The following HDHD5 variants were observed in gnomAD, a reference collection of about 807,000 sequenced individuals.
HDHD5 encodes the protein haloacid dehalogenase like hydrolase domain containing 5, also known as haloacid dehalogenase-like hydrolase domain-containing 5.
Under a neutral mutation model 35.5 loss-of-function variants are expected in HDHD5, and 34 were observed. The observed-to-expected ratio is 0.96, with a 90% CI of 0.73 to 1.28. HDHD5 has a LOEUF of 1.28. HDHD5 is among the 50% of genes most tolerant of loss of function. The pLI is 0.00. For synonymous variants in HDHD5, 248 were observed against 240.6 expected, an observed-to-expected ratio of 1.03 and a Z score of -0.29; for missense variants, 589 against 560.2, an observed-to-expected ratio of 1.05 and a Z score of -0.52.
chr22:17,138,614 G>C lies in HDHD5; in HGVS notation c.871C>G (p.Leu291Val), dbSNP rs1430191465. ...SILTYQYAED[L>V]IRRQAERRGW... ...CGCCTCTCCGCCTGTCGCCTGATCAGGTCCTCGGCATACTGGTAAGTGAGG... is the reference window on the plus strand; with the variant it reads ...CGCCTCTCCGCCTGTCGCCTGATCACGTCCTCGGCATACTGGTAAGTGAGG... The change falls in exon 7 of 8, where the codon CTG (leucine) becomes GTG (valine). Residue 291 changes from leucine (L) to valine (V), a missense_variant. Physicochemically the swap from Leu to Val is conservative, Grantham distance 32. Coordinates refer to ENST00000336737, the MANE Select transcript of HDHD5 (RefSeq NM_033070.3). 6.2e-7 allele frequency: 1 copy of C among 1,614,090 alleles called. No individual in the cohort carries two copies. The highest frequency in any genetic ancestry group is 8.5e-7 in the Non-Finnish European group (1 of 1,180,038).
chr22:17,164,222 GA>G (rs60212114), upstream of HDHD5, among the ~76,000 whole-genome samples: 201 of 111,936 alleles, frequency 1.8e-3, no homozygotes, highest in Middle Eastern at 4.9e-3. Context: ...CTCCATCTCA[GA>G]AAAAAAAAAA....
At chr22:17,161,564 CAAAA>C (rs879664806), upstream of HDHD5, among the ~76,000 whole-genome samples, 1 of 115,662 alleles carries the variant, frequency 8.6e-6, no homozygotes. Context: ...ACTATGTCTC[CAAAA>C]AAAAAAAAAG....
intron 1 of HDHD5, among the ~76,000 whole-genome samples, chr22:17,157,296 C>T (rs1186666256): frequency 1.5e-5 from 2 of 133,930 alleles, no homozygotes; most frequent in Admixed American, 1.5e-4. Context: ...TGATAAGAGT[C>T]AGGATCTGTT....
chr22:17,159,019 C>G, intron 1 of HDHD5, 107 bp downstream of exon 1: 2 of 1,045,376 alleles, frequency 1.9e-6, no homozygotes, highest in South Asian at 9.5e-5. Flanking sequence ...CAGGCAGTTC[C>G]CAGGAGGCTG....
chr22:17,142,597 G>C (rs1244895509), intron 5 of HDHD5: 1 of 152,688 alleles, frequency 6.5e-6, no homozygotes, highest in African/African-American at 2.4e-5. Flanking sequence ...ATTCTGTTTA[G>C]TGCAACCATT....
chr22:17,139,094 A>G (rs2061569817), intron 6 of HDHD5, among the ~76,000 whole-genome samples: 1 of 152,144 alleles, frequency 6.6e-6, no homozygotes, highest in African/African-American at 2.4e-5. Flanking sequence ...GCTGGTGTCC[A>G]TTTTCAGCTG....
intron 1 of HDHD5, among the ~76,000 whole-genome samples, chr22:17,150,989 TG>T (rs1471049112): frequency 1.8e-4 from 28 of 152,266 alleles, no homozygotes; most frequent in Admixed American, 2.6e-4. Context: ...TCAGGAATAC[TG>T]ATTTTTTTCC....
At chr22:17,150,760 T>G (rs1285772764) in intron 1 of HDHD5, among the ~76,000 whole-genome samples, 1 of 152,120 alleles carries the variant, frequency 6.6e-6, no homozygotes, top group Non-Finnish European at 1.5e-5. Flanking sequence ...CTTAGGTGAT[T>G]CACCCACCTT....
At position 17,137,921 on chromosome 22, in the gene HDHD5, G is replaced by T; in HGVS notation, c.*100C>A. On this transcript the variant is annotated 3_prime_UTR_variant, in exon 8 of 8. Transcript: ENST00000336737. ...TGGGGCAGCAAGAAGGGTGGCAAGG[G>T]AACCAAGCCCTGACCTGAGCCCAGT... The T allele has an allele frequency of 1.0e-6, 1 of 986,134 alleles. No individual in the cohort carries two copies. The highest frequency in any genetic ancestry group is 1.5e-6 in the Non-Finnish European group (1 of 672,108). 61.1% of individuals were successfully genotyped at this position (986,134 alleles called of 1,614,324 possible).
chr22:17,157,115 A>ACACACACACACAC (rs1244963563), intron 1 of HDHD5, among the ~76,000 whole-genome samples: 6 of 80,962 alleles, frequency 7.4e-5, no homozygotes, highest in African/African-American at 4.5e-5. Context: ...CACACACACA[A>ACACACACACACAC]AAGAAAAAAG....
At chr22:17,159,991 C>T (rs1432300219), upstream of HDHD5, among the ~76,000 whole-genome samples, 1 of 152,232 alleles carries the variant, frequency 6.6e-6, no homozygotes, top group Non-Finnish European at 1.5e-5. Flanking sequence ...GTAGCCGACT[C>T]CGTCCGTGGA....
At chr22:17,163,770 A>G (rs1568957275), upstream of HDHD5, among the ~76,000 whole-genome samples, 1 of 152,218 alleles carries the variant, frequency 6.6e-6, no homozygotes, top group African/African-American at 2.4e-5. Context: ...GAAAGGTAGC[A>G]GAACAGAAGA....
At chr22:17,140,466 T>C (rs2061587381) in intron 6 of HDHD5, among the ~76,000 whole-genome samples, 3 of 151,978 alleles carry the variant, frequency 2.0e-5, no homozygotes, top group Non-Finnish European at 4.4e-5. Flanking sequence ...ACGCCTGTAA[T>C]CCCGGCACTT....
At chr22:17,159,905 G>A, upstream of HDHD5, 1 of 183,322 alleles carries the variant, frequency 5.5e-6, no homozygotes, top group Non-Finnish European at 1.2e-5. Context: ...ACACGACTGT[G>A]TCCGCTGCGC....
intron 6 of HDHD5, among the ~76,000 whole-genome samples, chr22:17,140,428 G>A (rs765255205): frequency 2.0e-5 from 3 of 152,074 alleles, no homozygotes; most frequent in African/African-American, 7.2e-5. Context: ...ACGACTATCA[G>A]AACAATCCTT....
intron 5 of HDHD5, 61 bp downstream of exon 5, chr22:17,143,037 T>C: frequency 1.3e-6 from 2 of 1,587,254 alleles, no homozygotes; most frequent in Non-Finnish European, 8.6e-7. Context: ...TGAGACAGCC[T>C]GAGGGCCAGA....
chr22:17,160,076 T>G (rs781049892), upstream of HDHD5, among the ~76,000 whole-genome samples: 1 of 152,192 alleles, frequency 6.6e-6, no homozygotes, highest in Non-Finnish European at 1.5e-5. Flanking sequence ...AGGTCTCCAT[T>G]CCCACCGTTT....
upstream of HDHD5, among the ~76,000 whole-genome samples, chr22:17,161,272 A>T (rs1343147973): frequency 6.7e-6 from 1 of 150,324 alleles, no homozygotes; most frequent in Non-Finnish European, 1.5e-5. Context: ...GAAAGAAGAA[A>T]AAAAGGCCGG....
Position 17,149,564 on chromosome 22 carries a change from A to G in HDHD5, c.308T>C (p.Leu103Pro). ...NILQHSKAQE[L>P]SALLGCEVDA... Reference sequence around the variant, plus strand: ...CACCTCGCACCCCAGCAGGGCTGACAGCTCCTGGGCTTTGCTGTGTTGTAA... The same window carrying G: ...CACCTCGCACCCCAGCAGGGCTGACGGCTCCTGGGCTTTGCTGTGTTGTAA... Residue 103 changes from leucine (L) to proline (P), a missense_variant, in exon 2 of 8, where the codon CTG becomes CCG. Transcript: ENST00000336737. The G allele has an allele frequency of 1.2e-6, 2 of 1,612,398 alleles. No individual in the cohort carries two copies. The highest frequency in any genetic ancestry group is 1.7e-6 in the Non-Finnish European group (2 of 1,179,980).
Sources: allele counts gnomAD v4.1 joint callset (sites outside exome capture counted in the v4.1 genomes callset), GRCh38; gene constraint gnomAD v4.1.1; transcripts MANE v1.5; gene names NCBI Gene and HGNC (gene_info 2026-07-23, HGNC 2026-07-21).